FARS2: variants seen among roughly 807,000 people sequenced by gnomAD.
The protein encoded by FARS2 is phenylalanine--tRNA ligase, mitochondrial.
FARS2 carries 40 observed loss-of-function variants against 46.4 expected under a neutral mutation model. That is an observed-to-expected ratio of 0.86 (90% CI 0.67 to 1.12). The LOEUF is 1.12. FARS2 is among the 50% of genes most tolerant of loss of function. The probability of loss-of-function intolerance (pLI) is 0.00; values close to 1 mark genes in which losing one functional copy is unlikely to be tolerated. For synonymous variants in FARS2, 234 were observed against 214.9 expected, an observed-to-expected ratio of 1.09 and a Z score of -0.78; for missense variants, 513 against 567.9, an observed-to-expected ratio of 0.90 and a Z score of 0.98.
upstream of FARS2, chr6:5,260,693 C>T (rs763491026): frequency 6.4e-7 from 1 of 1,554,954 alleles, no homozygotes; most frequent in Non-Finnish European, 8.7e-7. Flanking sequence ...CAGCATCGCC[C>T]GGTACAGAGA....
At position 5,587,773 on chromosome 6, in the gene FARS2, C is replaced by T. The variant is rs1033861904; in HGVS notation, c.1066-25396C>T. On this transcript the variant is annotated intron_variant, in intron 5 of 6. Transcript: ENST00000274680. ...CATACTACCTTAAGTTCATGAGCTC[C>T]GGGGGTGGACTGCCCTTGTTCAGAT... Among the ~76,000 whole-genome samples, 3 of 152,102 alleles carry T rather than the reference C, an allele frequency of 2.0e-5. No individual in the cohort carries two copies. The East Asian group carries it at 5.8e-4, about 29-fold the overall frequency.
intron 4 of FARS2, among the ~76,000 whole-genome samples, chr6:5,435,743 G>A (rs1484930533): frequency 6.6e-6 from 1 of 152,184 alleles, no homozygotes; most frequent in Non-Finnish European, 1.5e-5. Flanking sequence ...ACTATGAGCC[G>A]TGATCATGCC....
intron 1 of FARS2, among the ~76,000 whole-genome samples, chr6:5,319,753 A>G (rs986974234): frequency 2.0e-4 from 31 of 152,144 alleles, no homozygotes; most frequent in African/African-American, 7.5e-4. Flanking sequence ...TCTATGGGTT[A>G]GTTGCTGGTA....
chr6:5,267,379 A>G (rs892364259), intron 1 of FARS2, among the ~76,000 whole-genome samples: 2 of 152,160 alleles, frequency 1.3e-5, no homozygotes, highest in Non-Finnish European at 2.9e-5. Flanking sequence ...TGTTAATCAA[A>G]CTAGCTACAG....
intron 5 of FARS2, among the ~76,000 whole-genome samples, chr6:5,581,511 T>C (rs965476508): frequency 6.6e-6 from 1 of 152,242 alleles, no homozygotes; most frequent in African/African-American, 2.4e-5. Context: ...ACAGGCAGTT[T>C]CCAGCCAGGT....
chr6:5,653,950 C>T (rs1057141898), intron 6 of FARS2, among the ~76,000 whole-genome samples: 2 of 152,176 alleles, frequency 1.3e-5, no homozygotes, highest in African/African-American at 4.8e-5. Flanking sequence ...AAGTTTCCTA[C>T]GTAATGCTGG....
chr6:5,527,283 C>T (rs902274676), intron 4 of FARS2, among the ~76,000 whole-genome samples: 1 of 152,218 alleles, frequency 6.6e-6, no homozygotes, highest in African/African-American at 2.4e-5. Flanking sequence ...TTGACCCTGC[C>T]GTCCAACGGC....
intron 1 of FARS2, among the ~76,000 whole-genome samples, chr6:5,265,160 G>A (rs1765469341): frequency 6.6e-6 from 1 of 152,150 alleles, no homozygotes; most frequent in Non-Finnish European, 1.5e-5. Context: ...AAAGGAATAG[G>A]GAAGAGGAAT....
chr6:5,626,298 T>C (rs1776026690), intron 6 of FARS2, among the ~76,000 whole-genome samples: 1 of 152,094 alleles, frequency 6.6e-6, no homozygotes, highest in South Asian at 2.1e-4. Flanking sequence ...TACTCAGATA[T>C]CCCAAGTGCA....
intron 4 of FARS2, among the ~76,000 whole-genome samples, chr6:5,485,115 AC>A (rs1766697941): frequency 6.6e-6 from 1 of 151,938 alleles, no homozygotes; most frequent in Non-Finnish European, 1.5e-5. Context: ...TACTCCTGTG[AC>A]CCTGGTACAT....
At chr6:5,260,873 C>T (rs910980104), upstream of FARS2, 8 of 1,446,806 alleles carry the variant, frequency 5.5e-6, no homozygotes, top group African/African-American at 5.8e-5. Flanking sequence ...CGGGCCTAAG[C>T]CTAAGCGGGC....
intron 6 of FARS2, among the ~76,000 whole-genome samples, chr6:5,631,764 T>G (rs935011438): frequency 3.9e-5 from 6 of 152,248 alleles, no homozygotes; most frequent in Admixed American, 3.9e-4. Flanking sequence ...CTATTTTAAA[T>G]AATATTTTTA....
intron 4 of FARS2, among the ~76,000 whole-genome samples, chr6:5,522,742 C>T (rs775801009): frequency 6.6e-6 from 1 of 152,132 alleles, no homozygotes; most frequent in Non-Finnish European, 1.5e-5. Flanking sequence ...AATTTTCTGG[C>T]AAGATTTAAC....
chr6:5,421,127 G>A (rs1465998531), intron 3 of FARS2, among the ~76,000 whole-genome samples: 2 of 152,206 alleles, frequency 1.3e-5, no homozygotes, highest in Non-Finnish European at 2.9e-5. Context: ...AAATCTAGGT[G>A]GAGGTTCCCA....
Position 5,611,594 on chromosome 6 carries a change from G to A in FARS2, c.1066-1575G>A, listed in dbSNP as rs181344768. Among the ~76,000 whole-genome samples, 408 of 152,210 alleles carry A rather than the reference G, an allele frequency of 2.7e-3. 4 individuals carry two copies. Among genetic ancestry groups the A allele is most frequent in the Non-Finnish European group, 4.3e-4 (29 of 68,006 alleles). On this transcript the variant is annotated intron_variant, in intron 5 of 6. Coordinates refer to ENST00000274680, the MANE Select transcript of FARS2 (RefSeq NM_006567.5). ...TAGTGGATTAAATGCTTTCTTTTCC[G>A]TTAAACCATTAAACTTTTTATATTT...
At chr6:5,391,583 A>G (rs926149951) in intron 2 of FARS2, among the ~76,000 whole-genome samples, 13 of 151,740 alleles carry the variant, frequency 8.6e-5, no homozygotes, top group Non-Finnish European at 1.6e-4. Context: ...TTTTTTTTTA[A>G]TGGCTGGTAT....
chr6:5,651,011 G>C (rs1399279285), intron 6 of FARS2, among the ~76,000 whole-genome samples: 1 of 152,164 alleles, frequency 6.6e-6, no homozygotes, highest in East Asian at 1.9e-4. Context: ...GATTAAAGAT[G>C]GCAGATTGAA....
At chr6:5,691,451 C>G (rs890144499) in intron 6 of FARS2, among the ~76,000 whole-genome samples, 3 of 152,162 alleles carry the variant, frequency 2.0e-5, no homozygotes, top group Non-Finnish European at 2.9e-5. Flanking sequence ...TGCTGGAGGT[C>G]CACTCCAGAC....
chr6:5,769,208 G>A (rs1324655342), intron 6 of FARS2, among the ~76,000 whole-genome samples: 1 of 152,194 alleles, frequency 6.6e-6, no homozygotes, highest in Non-Finnish European at 1.5e-5. Flanking sequence ...ATATCCAGTT[G>A]TCTCAGTATC....
Sources: allele counts gnomAD v4.1 joint callset (sites outside exome capture counted in the v4.1 genomes callset), GRCh38; gene constraint gnomAD v4.1.1; transcripts MANE v1.5; gene names NCBI Gene and HGNC (gene_info 2026-07-23, HGNC 2026-07-21).